The following FUT8 variants were observed in gnomAD, a reference collection of about 807,000 sequenced individuals.
FUT8 encodes the protein alpha-(1,6)-fucosyltransferase.
In FUT8, 29 loss-of-function variants were observed where a neutral mutation model predicts 71.3. The ratio of observed to expected loss-of-function variants is 0.41; its 90% confidence interval spans 0.30 to 0.55. The LOEUF (loss-of-function observed/expected upper bound fraction) is 0.55, where lower values mean the gene tolerates loss of function less well. FUT8 is among the 20% of genes least tolerant of loss of function. FUT8 has a pLI of 0.34. For missense variants in FUT8, 544 were observed against 702.1 expected, an observed-to-expected ratio of 0.77 and a Z score of 2.55; for synonymous variants, 254 against 239.3, an observed-to-expected ratio of 1.06 and a Z score of -0.57.
intron 3 of FUT8, among the ~76,000 whole-genome samples, chr14:65,600,716 C>T (rs1888248316): frequency 6.6e-6 from 1 of 152,098 alleles, no homozygotes; most frequent in African/African-American, 2.4e-5. Context: ...CACATATTTT[C>T]AGCTAAACTC....
intron 2 of FUT8, among the ~76,000 whole-genome samples, chr14:65,531,819 T>A (rs1883975684): frequency 6.6e-6 from 1 of 152,154 alleles, no homozygotes; most frequent in African/African-American, 2.4e-5. Flanking sequence ...CCTTTCGTTG[T>A]GTTTATGTGT....
rs763886677 is a variant in FUT8, at chr14:65,616,024, C to A, written c.250C>A (p.Arg84Ser). 6.2e-7 allele frequency: 1 copy of A among 1,613,950 alleles called. No homozygotes were observed. Among genetic ancestry groups the A allele is most frequent in the South Asian group, 1.1e-5 (1 of 91,064 alleles). ...TCAGGGGCCAGCTATAGGAAGAGTA[C>A]GCGTTTTAGAAGAGCAGCTTGTTAA... is the stretch of plus-strand genomic sequence containing the variant. Reference protein sequence around the residue: ...IDQGPAIGRVRVLEEQLVKAK... With the variant: ...IDQGPAIGRVSVLEEQLVKAK... The change falls in exon 4 of 11, where the codon CGC becomes AGC. Residue 84 changes from arginine (R) to serine (S), a missense_variant. By Grantham distance (110) the Arg-to-Ser change is moderately radical. Transcript: ENST00000673929.
At chr14:65,637,502 T>G (rs1461894019) in intron 6 of FUT8, among the ~76,000 whole-genome samples, 1 of 152,340 alleles carries the variant, frequency 6.6e-6, no homozygotes, top group East Asian at 1.9e-4. Flanking sequence ...GATTTTGTTT[T>G]CTGCATAGCC....
chr14:65,576,228 T>C (rs1005763140), intron 3 of FUT8, among the ~76,000 whole-genome samples: 1 of 152,182 alleles, frequency 6.6e-6, no homozygotes, highest in Non-Finnish European at 1.5e-5. Context: ...AGGCTAAGAA[T>C]GGTTTTACAT....
intron 7 of FUT8, among the ~76,000 whole-genome samples, chr14:65,717,327 C>T (rs528194809): frequency 2.7e-5 from 4 of 145,626 alleles, no homozygotes; most frequent in African/African-American, 1.0e-4. Flanking sequence ...CTCCTCACCT[C>T]CCAGACAGGG....
At chr14:65,442,771 G>A (rs1479127135) in intron 1 of FUT8, among the ~76,000 whole-genome samples, 1 of 150,604 alleles carries the variant, frequency 6.6e-6, no homozygotes, top group East Asian at 2.0e-4. Flanking sequence ...AGGAGGCAGA[G>A]TTTGCAGTGA....
At chr14:65,375,020 G>A in the FUT8 span, among the ~76,000 whole-genome samples, 1 of 152,094 alleles carries the variant, frequency 6.6e-6, no homozygotes, top group South Asian at 2.1e-4. Context: ...TTTGTTCATT[G>A]TAATTGGCTT....
intron 6 of FUT8, among the ~76,000 whole-genome samples, chr14:65,664,661 CATTT>C (rs1245185181): frequency 6.6e-6 from 1 of 152,208 alleles, no homozygotes; most frequent in East Asian, 1.9e-4. Context: ...CCTTTGGAAT[CATTT>C]TATAGACTGC....
At chr14:65,529,192 T>C (rs1883750906) in intron 2 of FUT8, 1 of 154,524 alleles carries the variant, frequency 6.5e-6, no homozygotes, top group South Asian at 2.1e-4. Context: ...ACTCTCCTTT[T>C]TGGGGTTCTT....
chr14:65,370,251 A>G, the FUT8 span, among the ~76,000 whole-genome samples: 4 of 117,552 alleles, frequency 3.4e-5, no homozygotes, highest in Non-Finnish European at 6.4e-5. Context: ...TCTGTCACCC[A>G]GGCTGGAGTG....
chr14:65,561,278 A>G, intron 2 of FUT8, 59 bp from the exon 3 acceptor site: 1 of 307,152 alleles, frequency 3.3e-6, no homozygotes, highest in Non-Finnish European at 6.1e-6. Flanking sequence ...CAAGAATCTC[A>G]GTATATGCTA....
intron 3 of FUT8, among the ~76,000 whole-genome samples, chr14:65,567,182 A>G (rs776504926): frequency 6.6e-6 from 1 of 151,862 alleles, no homozygotes; most frequent in Non-Finnish European, 1.5e-5. Flanking sequence ...TTTTTTGTTT[A>G]TTTGTTTGGT....
chr14:65,468,127 C>A, intron 2 of FUT8: 6 of 635,970 alleles, frequency 9.4e-6, no homozygotes, highest in South Asian at 7.7e-5. Context: ...GCTTACAGTG[C>A]CAACAGCATG....
chr14:65,465,577 A>G (rs1215554591), intron 2 of FUT8, among the ~76,000 whole-genome samples: 2 of 152,214 alleles, frequency 1.3e-5, no homozygotes, highest in Non-Finnish European at 2.9e-5. Flanking sequence ...AGCTGTTTAA[A>G]CATCTCCAAA....
Position 65,550,986 on chromosome 14 carries a change from T to A in FUT8, c.-227-10351T>A, listed in dbSNP as rs1341344856. On this transcript the variant is annotated intron_variant, in intron 2 of 10. Transcript: ENST00000673929. This position sits in a 1 kb window ranked among gnomAD's most constrained non-coding sequence, Gnocchi z 4.5. ...ATGCATCTTAGCATAAATTTTTGCA[T>A]GTGGAATTTCTTGTCAAAGGGCATG... is the stretch of plus-strand genomic sequence containing the variant. Among the ~76,000 whole-genome samples the A allele has an allele frequency of 5.9e-5, 9 of 152,240 alleles. No individual in the cohort carries two copies. The highest frequency in any genetic ancestry group is 2.2e-4 in the African/African-American group (9 of 41,472).
the FUT8 span, among the ~76,000 whole-genome samples, chr14:65,375,413 G>T: frequency 1.4e-4 from 22 of 152,204 alleles, no homozygotes; most frequent in South Asian, 2.9e-3. Flanking sequence ...TGAGCCAGGA[G>T]TTTGAGATCA....
chr14:65,655,299 C>T (rs1281758284), intron 6 of FUT8, among the ~76,000 whole-genome samples: 1 of 151,538 alleles, frequency 6.6e-6, no homozygotes, highest in African/African-American at 2.4e-5. Context: ...CGGTGAAACC[C>T]CGTCTCTACT....
At position 65,542,378 on chromosome 14, in the gene FUT8, G is replaced by T. The variant is rs1283699863; in HGVS notation, c.-227-18959G>T. 3.9e-5 allele frequency among the ~76,000 whole-genome samples: 6 copies of T among 152,140 alleles called. No individual in the cohort carries two copies. The East Asian group carries it at 1.2e-3, about 29-fold the overall frequency. On this transcript the variant is annotated intron_variant, in intron 2 of 10. Transcript: ENST00000673929. ...TCATCCAACATTATCAGATCCCTCT[G>T]TGTCCTAACTGTTCACCTAACATAT...
chr14:65,532,731 T>C (rs1884039100), intron 2 of FUT8, among the ~76,000 whole-genome samples: 1 of 152,204 alleles, frequency 6.6e-6, no homozygotes, highest in Admixed American at 6.5e-5. Context: ...ATGTTCAGAA[T>C]GGTATTGCCT....
Sources: allele counts gnomAD v4.1 joint callset (sites outside exome capture counted in the v4.1 genomes callset), GRCh38; gene constraint gnomAD v4.1.1; non-coding constraint Gnocchi (gnomAD v3.1); transcripts MANE v1.5; gene names NCBI Gene and HGNC (gene_info 2026-07-23, HGNC 2026-07-21).